The following CCDC171 variants were observed in gnomAD, a reference collection of about 807,000 sequenced individuals.
The protein encoded by CCDC171 is coiled-coil domain containing 171, also known as coiled-coil domain-containing protein 171.
CCDC171 carries 177 observed loss-of-function variants against 168.2 expected under a neutral mutation model. The ratio of observed to expected loss-of-function variants is 1.05; its 90% CI spans 0.93 to 1.19. The LOEUF (loss-of-function observed/expected upper bound fraction) is 1.19. Among genes scored for constraint, CCDC171 ranks in the 50% most tolerant of loss-of-function variants. The pLI, the probability that CCDC171 is intolerant of heterozygous loss-of-function variation, is 0.00. For synonymous variants in CCDC171, 687 were observed against 540.8 expected (o/e 1.27, Z -3.75); for missense variants, 1,991 against 1,539.0 (o/e 1.29, Z -4.91).
intron 6 of CCDC171, among the ~76,000 whole-genome samples, chr9:15,622,227 C>T (rs904332397): frequency 6.6e-6 from 1 of 152,084 alleles, no homozygotes; most frequent in South Asian, 2.1e-4. Context: ...CAACACATCC[C>T]TGTGACATGA....
At chr9:16,066,951 A>T in the CCDC171 span, among the ~76,000 whole-genome samples, 12 of 152,000 alleles carry the variant, frequency 7.9e-5, no homozygotes, top group South Asian at 2.1e-3. Flanking sequence ...TAGCAGCATG[A>T]TTTATAGTCC....
chr9:15,609,769 C>G (rs1264874749), intron 6 of CCDC171, among the ~76,000 whole-genome samples: 1 of 152,102 alleles, frequency 6.6e-6, no homozygotes, highest in Non-Finnish European at 1.5e-5. Flanking sequence ...GAACTTTCCT[C>G]TGTCTTTATT....
chr9:15,903,459 T>G (rs200058968), intron 24 of CCDC171, among the ~76,000 whole-genome samples: 1 of 152,060 alleles, frequency 6.6e-6, no homozygotes, highest in African/African-American at 2.4e-5. Context: ...CAACAGACCT[T>G]CAGCTGAGGG....
intron 7 of CCDC171, among the ~76,000 whole-genome samples, chr9:15,651,684 A>G (rs997446140): frequency 6.6e-6 from 1 of 151,238 alleles, no homozygotes; most frequent in Non-Finnish European, 1.5e-5. Flanking sequence ...ACAGCATTTC[A>G]CTCTTTTTTT....
At chr9:15,865,375 T>G (rs1166016242) in intron 23 of CCDC171, among the ~76,000 whole-genome samples, 1 of 110,540 alleles carries the variant, frequency 9.0e-6, no homozygotes, top group South Asian at 3.5e-4. Context: ...ATATGTATAT[T>G]TGTCATATTT....
rs901200409 is a variant in CCDC171 at position 16,049,128 on chromosome 9, C to A, written n.89+6242C>A. On this transcript the variant is annotated intron_variant and non_coding_transcript_variant, in intron 1 of 1. Transcript: ENST00000478913. Reference sequence around the variant, plus strand: ...TCCTGAATGTTGAAATCCTGAAAGCCGAATTCTAGGGAGGGGATTAGTATA... The same window carrying A: ...TCCTGAATGTTGAAATCCTGAAAGCAGAATTCTAGGGAGGGGATTAGTATA... Among the ~76,000 whole-genome samples, 3 of 152,028 alleles carry A rather than the reference C, an allele frequency of 2.0e-5. No homozygotes were observed. The South Asian group carries it at 6.2e-4, about 32-fold the overall frequency.
At chr9:15,685,449 G>C (rs1388865308) in intron 10 of CCDC171, among the ~76,000 whole-genome samples, 1 of 152,020 alleles carries the variant, frequency 6.6e-6, no homozygotes, top group Non-Finnish European at 1.5e-5. Flanking sequence ...AACAAACGTA[G>C]TGAGACTCCC....
At chr9:15,971,029 G>A (rs1246317952) in intron 25 of CCDC171, among the ~76,000 whole-genome samples, 2 of 151,846 alleles carry the variant, frequency 1.3e-5, no homozygotes, top group East Asian at 1.9e-4. Flanking sequence ...GAAAAAACAG[G>A]GTGGTGGCAT....
At chr9:15,676,317 A>G (rs1031173942) in intron 9 of CCDC171, among the ~76,000 whole-genome samples, 9 of 152,118 alleles carry the variant, frequency 5.9e-5, no homozygotes, top group African/African-American at 2.2e-4. Flanking sequence ...GATGGGTTAG[A>G]ACATGCTCCT....
chr9:15,702,381 A>G (rs753949856), intron 11 of CCDC171, among the ~76,000 whole-genome samples: 2 of 152,072 alleles, frequency 1.3e-5, no homozygotes, highest in Non-Finnish European at 2.9e-5. Flanking sequence ...CTCATTTACC[A>G]TTGAAAAAAT....
chr9:15,985,116 A>C (rs917078371), intron 3 of CCDC171, among the ~76,000 whole-genome samples: 1 of 152,152 alleles, frequency 6.6e-6, no homozygotes, highest in African/African-American at 2.4e-5. Flanking sequence ...TTTTATGTTT[A>C]GAAGAAAATA....
intron 25 of CCDC171, among the ~76,000 whole-genome samples, chr9:15,937,384 G>A (rs1341925643): frequency 6.6e-6 from 1 of 151,818 alleles, no homozygotes; most frequent in Admixed American, 6.6e-5. Context: ...TGAGAAAAAA[G>A]CTTATTAGAC....
At chr9:16,081,047 C>T in the CCDC171 span, among the ~76,000 whole-genome samples, 1,589 of 152,282 alleles carry the variant, frequency 0.01, 31 homozygotes, top group African/African-American at 0.037. Flanking sequence ...AGCACATAGG[C>T]TTACACTTAG....
At chr9:15,898,378 G>C (rs1462687865) in intron 24 of CCDC171, among the ~76,000 whole-genome samples, 2 of 152,116 alleles carry the variant, frequency 1.3e-5, no homozygotes, top group Non-Finnish European at 2.9e-5. Context: ...GAGGCAACAG[G>C]CTGCAGAGGG....
intron 21 of CCDC171, among the ~76,000 whole-genome samples, chr9:15,842,350 C>T (rs2060715280): frequency 6.6e-6 from 1 of 151,970 alleles, no homozygotes; most frequent in Non-Finnish European, 1.5e-5. Context: ...GCTTGGCATC[C>T]AGAAATATTA....
At chr9:15,851,212 A>C (rs983419217) in intron 23 of CCDC171, among the ~76,000 whole-genome samples, 1 of 151,942 alleles carries the variant, frequency 6.6e-6, no homozygotes, top group Non-Finnish European at 1.5e-5. Flanking sequence ...TTCAAATACT[A>C]CAACTATATT....
chr9:15,776,217 C>G (rs1427488181), intron 18 of CCDC171: 1 of 152,038 alleles, frequency 6.6e-6, no homozygotes, highest in Non-Finnish European at 1.5e-5. Context: ...GCGTGTCATC[C>G]TTGCGCAGGG....
intron 1 of CCDC171, among the ~76,000 whole-genome samples, chr9:16,055,213 G>A (rs547594407): frequency 1.5e-4 from 23 of 152,192 alleles, no homozygotes; most frequent in Non-Finnish European, 3.4e-4. Flanking sequence ...TGTTATCTTT[G>A]TTCGTTTATT....
intron 10 of CCDC171, among the ~76,000 whole-genome samples, chr9:15,687,460 C>A (rs114866584): frequency 6.6e-6 from 1 of 150,720 alleles, no homozygotes; most frequent in Non-Finnish European, 1.5e-5. Flanking sequence ...AATAACCTAA[C>A]ATTTCACGGT....
Sources: allele counts gnomAD v4.1 joint callset (sites outside exome capture counted in the v4.1 genomes callset), GRCh38; gene constraint gnomAD v4.1.1; transcripts MANE v1.5; gene names NCBI Gene and HGNC (gene_info 2026-07-23, HGNC 2026-07-21).